Variants in BMP6 observed in about 807,000 individuals in gnomAD.
BMP6 encodes bone morphogenetic protein 6, also known as VG-1-R.
Under a neutral mutation model 54.1 loss-of-function variants are expected in BMP6, and 17 were observed. That is an observed-to-expected ratio of 0.31 (90% CI 0.22 to 0.47). The LOEUF is 0.47. Ranked by LOEUF, BMP6 falls within the 20% of genes least tolerant of loss-of-function variation. BMP6 has a pLI of 1.00. For missense variants in BMP6, 720 were observed against 690.4 expected, an observed-to-expected ratio of 1.04 and a Z score of -0.48; for synonymous variants, 328 against 291.2, an observed-to-expected ratio of 1.13 and a Z score of -1.28.
chr6:7,803,055 T>C (rs1322241), intron 1 of BMP6, among the ~76,000 whole-genome samples: 90,726 of 151,964 alleles, frequency 0.6, 27,657 homozygotes, highest in African/African-American at 0.7. Context: ...ACACTTGAAG[T>C]TGTGATGGGT....
chr6:7,731,255 T>G (rs1004213717), intron 1 of BMP6, among the ~76,000 whole-genome samples: 4 of 152,218 alleles, frequency 2.6e-5, no homozygotes, highest in Non-Finnish European at 5.9e-5. Context: ...TTTCTAATGC[T>G]AAAAATGTCT....
intron 1 of BMP6, among the ~76,000 whole-genome samples, chr6:7,744,616 GT>G (rs1156537395): frequency 2.0e-5 from 3 of 152,202 alleles, no homozygotes; most frequent in Non-Finnish European, 2.9e-5. Flanking sequence ...CATTTGATGA[GT>G]TTTGGTGTGT....
At chr6:7,738,954 A>T (rs1475365421) in intron 1 of BMP6, among the ~76,000 whole-genome samples, 1 of 152,154 alleles carries the variant, frequency 6.6e-6, no homozygotes, top group Non-Finnish European at 1.5e-5. Context: ...GGCTTTGTAC[A>T]TCCTTAAGAA....
At chr6:7,837,787 GAAATA>G (rs975931004) in intron 1 of BMP6, among the ~76,000 whole-genome samples, 16 of 151,750 alleles carry the variant, frequency 1.1e-4, no homozygotes, top group Middle Eastern at 3.4e-3. Context: ...CAAAAGTATT[GAAATA>G]AAATAAAATA....
chr6:7,774,829 A>G (rs1278307374), intron 1 of BMP6, among the ~76,000 whole-genome samples: 1 of 152,222 alleles, frequency 6.6e-6, no homozygotes, highest in Non-Finnish European at 1.5e-5. Flanking sequence ...CTTGGCAATT[A>G]TAAAGAAAAG....
At chr6:7,860,208 G>A (rs1258908441) in intron 2 of BMP6, among the ~76,000 whole-genome samples, 1 of 152,214 alleles carries the variant, frequency 6.6e-6, no homozygotes, top group Non-Finnish European at 1.5e-5. Context: ...TGGCTTTTAG[G>A]ATTGGTGTAA....
intron 1 of BMP6, among the ~76,000 whole-genome samples, chr6:7,784,242 C>T (rs1204669711): frequency 2.6e-5 from 4 of 152,120 alleles, no homozygotes; most frequent in Non-Finnish European, 4.4e-5. Flanking sequence ...CATTTTTTTA[C>T]GTTTCATCAT....
At chr6:7,763,206 G>C (rs910413981) in intron 1 of BMP6, among the ~76,000 whole-genome samples, 1 of 152,150 alleles carries the variant, frequency 6.6e-6, no homozygotes, top group East Asian at 1.9e-4. Flanking sequence ...AGCCTCCACT[G>C]TCTGCAGCCA....
At chr6:7,844,932 A>G (rs1394313849) in intron 1 of BMP6, among the ~76,000 whole-genome samples, 1 of 152,172 alleles carries the variant, frequency 6.6e-6, no homozygotes, top group Non-Finnish European at 1.5e-5. Context: ...AATAAAATCT[A>G]AGAATTTTGC....
At chr6:7,741,666 C>T (rs920084488) in intron 1 of BMP6, among the ~76,000 whole-genome samples, 9 of 152,192 alleles carry the variant, frequency 5.9e-5, no homozygotes, top group African/African-American at 2.2e-4. Flanking sequence ...CTCCTGGGCT[C>T]AAGCGATCCT....
intron 1 of BMP6, among the ~76,000 whole-genome samples, chr6:7,820,599 G>C (rs1299415215): frequency 6.6e-6 from 1 of 152,142 alleles, no homozygotes; most frequent in Non-Finnish European, 1.5e-5. Context: ...AATTAGGTGG[G>C]GACAGTGAAC....
At position 7,810,588 on chromosome 6, in the gene BMP6, C is replaced by CACA. The variant is rs1237102043; in HGVS notation, c.665-34552_665-34551insACA. On this transcript the variant is annotated intron_variant, in intron 1 of 6. Coordinates refer to ENST00000283147, the MANE Select transcript of BMP6 (RefSeq NM_001718.6). ...GGTAGCTCATGGTATTCATATTTGTCTTAGATCTTTCTTCCTTGGATATTA... is the reference window on the plus strand; with the variant it reads ...GGTAGCTCATGGTATTCATATTTGTCACATTAGATCTTTCTTCCTTGGATATTA... Among the ~76,000 whole-genome samples the CACA allele has an allele frequency of 9.9e-5, 15 of 152,276 alleles. No homozygotes were observed. The East Asian group carries it at 2.7e-3, about 27-fold the overall frequency.
chr6:7,827,345 T>G lies in BMP6; in HGVS notation c.665-17795T>G, dbSNP rs529019602. Among the ~76,000 whole-genome samples the G allele has an allele frequency of 1.8e-3, 279 of 152,366 alleles. 1 individual carries two copies. The highest frequency in any genetic ancestry group is 3.5e-3 in the Non-Finnish European group (235 of 68,036). ...TTATACTGAGATACTCTCTCCATTG[T>G]GTTCTCAGGAAGATGAAGTGAATCA... On this transcript the variant is annotated intron_variant, in intron 1 of 6. Transcript: ENST00000283147.
chr6:7,813,148 T>TATAA (rs1211230637), intron 1 of BMP6, among the ~76,000 whole-genome samples: 1 of 94,294 alleles, frequency 1.1e-5, no homozygotes, highest in African/African-American at 4.2e-5. Context: ...TATATATATA[T>TATAA]AAAATTAGTG....
At chr6:7,836,970 G>A (rs1413433709) in intron 1 of BMP6, among the ~76,000 whole-genome samples, 1 of 152,180 alleles carries the variant, frequency 6.6e-6, no homozygotes, top group Non-Finnish European at 1.5e-5. Context: ...TTAGTCAATG[G>A]AATGACCATG....
chr6:7,855,369 GA>G (rs1759209320), intron 2 of BMP6, among the ~76,000 whole-genome samples: 1 of 152,080 alleles, frequency 6.6e-6, no homozygotes, highest in African/African-American at 2.4e-5. Flanking sequence ...CCCTAGGGGT[GA>G]GGGGCAGCAA....
At chr6:7,755,679 T>G (rs892501504) in intron 1 of BMP6, among the ~76,000 whole-genome samples, 6 of 152,074 alleles carry the variant, frequency 3.9e-5, no homozygotes, top group Non-Finnish European at 2.9e-5. Flanking sequence ...TAATCTAGAA[T>G]CATGTTCCTT....
chr6:7,774,615 TGAA>T (rs1757837509), intron 1 of BMP6, among the ~76,000 whole-genome samples: 1 of 151,906 alleles, frequency 6.6e-6, no homozygotes, highest in Non-Finnish European at 1.5e-5. Context: ...CTCGAGAGGT[TGAA>T]GCCCCACTTG....
intron 1 of BMP6, among the ~76,000 whole-genome samples, chr6:7,796,833 G>C (rs1042123156): frequency 2.0e-5 from 3 of 152,092 alleles, no homozygotes; most frequent in Non-Finnish European, 4.4e-5. Flanking sequence ...CAAATCTTTA[G>C]ATTTCCAAAT....
Sources: allele counts gnomAD v4.1 joint callset (sites outside exome capture counted in the v4.1 genomes callset), GRCh38; gene constraint gnomAD v4.1.1; transcripts MANE v1.5; gene names NCBI Gene and HGNC (gene_info 2026-07-23, HGNC 2026-07-21).